The following DUSP4 variants were observed in gnomAD, a reference collection of about 807,000 sequenced individuals.
The protein encoded by DUSP4 is dual specificity phosphatase 4.
DUSP4 carries 12 observed loss-of-function variants against 27.2 expected under a neutral mutation model. The observed-to-expected ratio is 0.44, with a 90% CI of 0.28 to 0.71. The LOEUF (loss-of-function observed/expected upper bound fraction) is 0.71, where lower values mean the gene tolerates loss of function less well. Among genes scored for constraint, DUSP4 ranks in the 30% least tolerant of loss-of-function variants. The pLI, the probability that DUSP4 is intolerant of heterozygous loss-of-function variation, is 0.14. For missense variants in DUSP4, 448 were observed against 551.3 expected (o/e 0.81, Z 1.88); for synonymous variants, 257 against 245.2 (o/e 1.05, Z -0.45).
intron 1 of DUSP4, chr8:29,348,668 C>T: frequency 1.0e-6 from 1 of 985,410 alleles, no homozygotes; most frequent in Non-Finnish European, 1.2e-6. Flanking sequence ...GAGAGGTTTC[C>T]GCCCCCTTTC....
At chr8:29,339,043 C>T (rs984529408) in intron 2 of DUSP4, among the ~76,000 whole-genome samples, 1 of 152,132 alleles carries the variant, frequency 6.6e-6, no homozygotes, top group African/African-American at 2.4e-5. Flanking sequence ...ATGAAGCTGG[C>T]ATGATGGTGC....
chr8:29,343,388 C>T (rs1375330574), intron 1 of DUSP4, among the ~76,000 whole-genome samples: 3 of 152,036 alleles, frequency 2.0e-5, no homozygotes, highest in Admixed American at 6.5e-5. Context: ...TGGTGGAGCC[C>T]GGAGGACACA....
Position 29,337,530 on chromosome 8 carries a change from A to G in DUSP4, c.800-119T>C. On this transcript the variant is annotated intron_variant, in intron 3 of 3. Transcript: ENST00000240100. The surrounding 1 kb of genome is among the most constrained non-coding windows in gnomAD (Gnocchi z 6.4). ...AGGAAGGACTAGCCGTGCTAGACCA[A>G]GGACTGGAGAGGAAGAAAACCCATG... 3.6e-6 allele frequency: 5 copies of G among 1,370,230 alleles called. No homozygotes were observed. Among genetic ancestry groups the G allele is most frequent in the Non-Finnish European group, 4.9e-6 (5 of 1,028,474 alleles). 84.9% of individuals were successfully genotyped at this position (1,370,230 alleles called of 1,614,324 possible). A position where few individuals can be genotyped will look rare whatever the true frequency, so the allele number is the denominator to read the frequency against.
chr8:29,347,074 G>T (rs1453587163), intron 1 of DUSP4, among the ~76,000 whole-genome samples: 1 of 152,156 alleles, frequency 6.6e-6, no homozygotes. Flanking sequence ...TACTCCAGTA[G>T]GAAACAAATT....
rs1237404574 is a variant in DUSP4, at chr8:29,339,532, G to C, written c.579+566C>G. Among the ~76,000 whole-genome samples the C allele has an allele frequency of 2.6e-5, 4 of 152,166 alleles. No homozygotes were observed. The East Asian group carries it at 7.7e-4, about 29-fold the overall frequency. ...TTCTGGAGGCCTCCTCACTTGTCCG[G>C]ACACGACGTTAGAGGCCAAGCCAGG... On this transcript the variant is annotated intron_variant, in intron 2 of 3. Transcript: ENST00000240100.
At chr8:29,345,823 G>A (rs1480137886) in intron 1 of DUSP4, 2 of 1,157,138 alleles carry the variant, frequency 1.7e-6, no homozygotes, top group East Asian at 5.5e-5. Context: ...CAATGTAAAT[G>A]GTGTCTAACA....
At chr8:29,342,557 C>T (rs1817670066) in intron 1 of DUSP4, among the ~76,000 whole-genome samples, 1 of 152,168 alleles carries the variant, frequency 6.6e-6, no homozygotes, top group Non-Finnish European at 1.5e-5. Flanking sequence ...ACAGCCTGCT[C>T]TCCTGGAAAC....
Position 29,349,986 on chromosome 8 carries a change from C to G in DUSP4, c.293G>C (p.Arg98Pro). Residue 98 changes from arginine to proline, a missense_variant, in exon 1 of 4, where the codon CGC (arginine) becomes CCC (proline). Coordinates refer to ENST00000240100, the MANE Select transcript of DUSP4 (RefSeq NM_001394.7). ...PAEEEVRARL[R>P]SGLYSAVIVY... ...GATGACCGCCGAGTAGAGGCCGGAG[C>G]GCAAGCGGGCGCGTACCTCCTCCTC... The G allele has an allele frequency of 3.2e-6, 5 of 1,569,798 alleles. No individual in the cohort carries two copies. The highest frequency in any genetic ancestry group is 4.3e-6 in the Non-Finnish European group (5 of 1,162,630).
intron 1 of DUSP4, chr8:29,347,790 C>T (rs1817756338): frequency 1.0e-6 from 1 of 985,406 alleles, no homozygotes; most frequent in African/African-American, 1.7e-5. Flanking sequence ...TGTCATTTTA[C>T]CTAGAGGCCT....
At chr8:29,347,849 C>A in intron 1 of DUSP4, 3 of 985,492 alleles carry the variant, frequency 3.0e-6, no homozygotes, top group Admixed American at 6.1e-5. Flanking sequence ...GCTCTCGAAT[C>A]GGTCTGGCTG....
At chr8:29,339,894 T>TCCCTGAG (rs2117268236) in intron 2 of DUSP4, among the ~76,000 whole-genome samples, 1 of 145,222 alleles carries the variant, frequency 6.9e-6, no homozygotes, top group South Asian at 2.3e-4. Context: ...CCACCTGTAG[T>TCCCTGAG]CCCAGCTACC....
intron 1 of DUSP4, 55 bp downstream of exon 1, chr8:29,349,791 G>A (rs1458280602): frequency 4.2e-6 from 6 of 1,434,612 alleles, no homozygotes; most frequent in Non-Finnish European, 4.5e-6. Flanking sequence ...GGCGCAGGCC[G>A]CCAAGACCCC....
At chr8:29,340,385 G>A in intron 1 of DUSP4, 142 bp from the exon 2 acceptor site, 1 of 1,070,730 alleles carries the variant, frequency 9.3e-7, no homozygotes, top group Non-Finnish European at 1.3e-6. Context: ...GTGGCGCTGT[G>A]GACCTAGAGA....
rs1563865440 is a variant in DUSP4 at position 29,350,669 on chromosome 8, GCA to G, written c.-393_-392del. The G allele has an allele frequency of 9.4e-6, 2 of 211,762 alleles. No homozygotes were observed. Among genetic ancestry groups the G allele is most frequent in the Non-Finnish European group, 1.8e-5 (2 of 108,196 alleles). The allele number at this position is 211,762 out of a possible 1,614,324, so 13.1% of individuals were successfully genotyped here. On this transcript the variant is annotated 5_prime_UTR_variant, in exon 1 of 4. Coordinates refer to ENST00000240100, the MANE Select transcript of DUSP4 (RefSeq NM_001394.7). ...TGCCTACGCTCCTCCGGCGCTCAGC[GCA>G]CTGCCCCAGCCAGAGTTTTCTCCTC...
intron 1 of DUSP4, chr8:29,346,159 C>T: frequency 2.4e-6 from 2 of 817,996 alleles, no homozygotes; most frequent in Non-Finnish European, 3.0e-6. Context: ...CATCAGTGGC[C>T]TTAGTGACTG....
chr8:29,338,638 TCCCCCTGTAG>T, intron 2 of DUSP4, 137 bp from the exon 3 acceptor site: 1 of 946,726 alleles, frequency 1.1e-6, no homozygotes, highest in Non-Finnish European at 1.6e-6. Flanking sequence ...CCTCCCAGCC[TCCCCCTGTAG>T]CCTCCTGGAA....
In DUSP4 at chr8:29,338,576, C is replaced by T. The variant is rs370734438; in HGVS notation, c.580-75G>A. On this transcript the variant is annotated intron_variant, in intron 2 of 3. Coordinates refer to ENST00000240100, the MANE Select transcript of DUSP4 (RefSeq NM_001394.7). Reference sequence around the variant, plus strand: ...CTTGGCACAGGGAGTGGAAGCTTGTCTGAGAAGAGCTTTCCTTTCCAAACC... The same window carrying T: ...CTTGGCACAGGGAGTGGAAGCTTGTTTGAGAAGAGCTTTCCTTTCCAAACC... 8.1e-6 allele frequency: 12 copies of T among 1,484,116 alleles called. No individual in the cohort carries two copies. In the African/African-American group the frequency reaches 1.7e-4, roughly 21 times the overall value. The allele number at this position is 1,484,116 out of a possible 1,614,324, so 91.9% of individuals were successfully genotyped here. A position where few individuals can be genotyped will look rare whatever the true frequency, so the allele number is the denominator to read the frequency against.
chr8:29,345,627 C>G lies in DUSP4; in HGVS notation c.433+4219G>C, dbSNP rs542441790. 9.4e-5 allele frequency: 140 copies of G among 1,491,630 alleles called. 3 individuals are homozygous for G. The highest frequency in any genetic ancestry group is 1.0e-4 in the Non-Finnish European group (113 of 1,128,298). The allele number at this position is 1,491,630 out of a possible 1,614,324, so 92.4% of individuals were successfully genotyped here. On this transcript the variant is annotated intron_variant, in intron 1 of 3. Transcript: ENST00000240100. ...TTTTTTTTCAAGGAATTTCTTGGCT[C>G]GGGAAAGTGGCCACCCTTTCTCTCT...
rs540275706 is a variant in DUSP4, at chr8:29,337,600, C to G, written c.800-189G>C. On this transcript the variant is annotated intron_variant, in intron 3 of 3. Transcript: ENST00000240100. The surrounding 1 kb of genome is among the most constrained non-coding windows in gnomAD (Gnocchi z 6.4). ...CCCCCAATTCTGAGGTCTATTTTCC[C>G]GAATCACTATGCTGAAGCTGGTTAA... Among the ~76,000 whole-genome samples the G allele has an allele frequency of 1.3e-5, 2 of 152,188 alleles. No homozygotes were observed. Among genetic ancestry groups the G allele is most frequent in the East Asian group, 3.8e-4 (2 of 5,196 alleles).
Sources: allele counts gnomAD v4.1 joint callset (sites outside exome capture counted in the v4.1 genomes callset), GRCh38; gene constraint gnomAD v4.1.1; non-coding constraint Gnocchi (gnomAD v3.1); transcripts MANE v1.5; gene names NCBI Gene and HGNC (gene_info 2026-07-23, HGNC 2026-07-21).